The following TRERF1 variants were observed in gnomAD, a reference collection of about 807,000 sequenced individuals.
TRERF1 encodes the protein transcriptional-regulating factor 1.
In TRERF1, 27 loss-of-function variants were observed where a neutral mutation model predicts 122.9. That is an observed-to-expected ratio of 0.22 (90% confidence interval 0.16 to 0.30). The LOEUF (loss-of-function observed/expected upper bound fraction) is 0.30, where lower values mean the gene tolerates loss of function less well. Ranked by LOEUF, TRERF1 falls within the 10% of genes least tolerant of loss-of-function variation. The pLI is 1.00. For synonymous variants in TRERF1, 636 were observed against 641.7 expected (o/e 0.99, Z 0.13); for missense variants, 1,248 against 1,560.3 (o/e 0.80, Z 3.37).
chr6:42,422,992 A>C (rs1379135029), intron 2 of TRERF1, among the ~76,000 whole-genome samples: 1 of 152,146 alleles, frequency 6.6e-6, no homozygotes, highest in Non-Finnish European at 1.5e-5. Flanking sequence ...GGCATGCGCC[A>C]CCACGCCTGG....
intron 2 of TRERF1, among the ~76,000 whole-genome samples, chr6:42,414,463 A>C (rs1781553857): frequency 6.6e-6 from 1 of 152,206 alleles, no homozygotes; most frequent in Admixed American, 6.5e-5. Context: ...TTTTTTCAAA[A>C]ATAGTGTCAC....
intron 5 of TRERF1, among the ~76,000 whole-genome samples, chr6:42,266,006 G>A (rs1253545406): frequency 2.0e-5 from 3 of 151,820 alleles, no homozygotes; most frequent in South Asian, 2.1e-4. Context: ...TGGGACCACC[G>A]CCCCACTCCT....
chr6:42,290,656 T>C (rs72857605), intron 4 of TRERF1, among the ~76,000 whole-genome samples: 1 of 147,892 alleles, frequency 6.8e-6, no homozygotes. Context: ...AAAAGTTAAG[T>C]GGCAATCTCA....
At chr6:42,429,874 C>T (rs1237842913) in intron 2 of TRERF1, among the ~76,000 whole-genome samples, 1 of 152,088 alleles carries the variant, frequency 6.6e-6, no homozygotes, top group African/African-American at 2.4e-5. Flanking sequence ...ATGGGTCATT[C>T]GGGCGAAGGT....
chr6:42,293,518 A>G (rs1046186276), intron 4 of TRERF1, among the ~76,000 whole-genome samples: 28 of 152,056 alleles, frequency 1.8e-4, no homozygotes, highest in African/African-American at 5.6e-4. Context: ...ACAAACTCCT[A>G]TTTGTTTCTA....
At chr6:42,292,206 CCAGGCTCAATGACT>C (rs1784426448) in intron 4 of TRERF1, among the ~76,000 whole-genome samples, 1 of 152,142 alleles carries the variant, frequency 6.6e-6, no homozygotes. Flanking sequence ...ACAGTTTAGA[CCAGGCTCAATGACT>C]CAGGCATGAT....
chr6:42,380,748 A>G (rs1775775424), intron 2 of TRERF1, among the ~76,000 whole-genome samples: 1 of 152,168 alleles, frequency 6.6e-6, no homozygotes, highest in Non-Finnish European at 1.5e-5. Context: ...CCACGTCAGC[A>G]ATGTCCTCTA....
At chr6:42,410,632 T>TC (rs1208289484) in intron 2 of TRERF1, among the ~76,000 whole-genome samples, 5 of 151,990 alleles carry the variant, frequency 3.3e-5, no homozygotes, top group Non-Finnish European at 5.9e-5. Flanking sequence ...GGCTCCTCAG[T>TC]CCCCCCTCCC....
intron 15 of TRERF1, among the ~76,000 whole-genome samples, 183 bp from the exon 16 acceptor site, chr6:42,236,594 A>C (rs114155363): frequency 0.012 from 1,867 of 152,258 alleles, 35 homozygotes; most frequent in African/African-American, 0.042. Context: ...TGGTCTCCGG[A>C]TGCTTAGGAC....
intron 2 of TRERF1, among the ~76,000 whole-genome samples, chr6:42,432,433 G>A (rs1784627666): frequency 6.6e-6 from 1 of 152,168 alleles, no homozygotes; most frequent in African/African-American, 2.4e-5. Flanking sequence ...AAAGACATTT[G>A]TGGCGGTATT....
chr6:42,347,894 G>C (rs1020661638), intron 3 of TRERF1, among the ~76,000 whole-genome samples: 3 of 152,228 alleles, frequency 2.0e-5, no homozygotes, highest in African/African-American at 7.2e-5. Context: ...AAGTAATACC[G>C]AACGGGGAGC....
intron 3 of TRERF1, among the ~76,000 whole-genome samples, chr6:42,357,498 G>A (rs900078355): frequency 6.6e-6 from 1 of 152,080 alleles, no homozygotes; most frequent in Non-Finnish European, 1.5e-5. Context: ...GCCACAGAAT[G>A]GTCTTCTTTT....
At chr6:42,417,513 A>G (rs1409400078) in intron 2 of TRERF1, among the ~76,000 whole-genome samples, 1 of 152,192 alleles carries the variant, frequency 6.6e-6, no homozygotes, top group African/African-American at 2.4e-5. Context: ...AAAGCCCCCC[A>G]GGAAACAGCC....
chr6:42,274,299 G>A (rs1457134703), intron 4 of TRERF1, among the ~76,000 whole-genome samples: 1 of 152,170 alleles, frequency 6.6e-6, no homozygotes, highest in African/African-American at 2.4e-5. Flanking sequence ...TTACAGATGA[G>A]GAAACAGAGA....
intron 3 of TRERF1, among the ~76,000 whole-genome samples, chr6:42,362,082 T>C (rs1209312296): frequency 1.3e-5 from 2 of 152,178 alleles, no homozygotes; most frequent in African/African-American, 4.8e-5. Context: ...CCCTGGGTGC[T>C]TCAGCATCCC....
intron 2 of TRERF1, among the ~76,000 whole-genome samples, chr6:42,384,540 A>G (rs1038527600): frequency 6.6e-6 from 1 of 152,236 alleles, no homozygotes; most frequent in African/African-American, 2.4e-5. Flanking sequence ...AGCTGGGGGC[A>G]GAAAGAATTA....
intron 3 of TRERF1, among the ~76,000 whole-genome samples, chr6:42,334,406 T>C (rs774307249): frequency 6.6e-6 from 1 of 152,232 alleles, no homozygotes; most frequent in Non-Finnish European, 1.5e-5. Flanking sequence ...GTCTCAACAA[T>C]TGTATTACCT....
intron 13 of TRERF1, among the ~76,000 whole-genome samples, chr6:42,248,841 T>C (rs892490167): frequency 5.3e-5 from 8 of 152,072 alleles, no homozygotes; most frequent in African/African-American, 1.9e-4. Context: ...AGGGGGTTGG[T>C]GGGATTTGAG....
At chr6:42,265,644 A>G (rs1481260525) in intron 6 of TRERF1, 107 bp downstream of exon 6, 57 of 1,203,630 alleles carry the variant, frequency 4.7e-5, no homozygotes. Flanking sequence ...TATTATTTCT[A>G]CACACTTCTT....
Sources: allele counts gnomAD v4.1 joint callset (sites outside exome capture counted in the v4.1 genomes callset), GRCh38; gene constraint gnomAD v4.1.1; transcripts MANE v1.5; gene names NCBI Gene and HGNC (gene_info 2026-07-23, HGNC 2026-07-21).